The following HNF4A variants were observed in gnomAD, a reference collection of about 807,000 sequenced individuals.
HNF4A encodes the protein hepatocyte nuclear factor 4-alpha.
HNF4A carries 15 observed loss-of-function variants against 52.4 expected under a neutral mutation model. The observed-to-expected ratio is 0.29, with a 90% CI of 0.19 to 0.44. The LOEUF is 0.44. HNF4A is among the 20% of genes least tolerant of loss of function. The pLI, the probability that HNF4A is intolerant of heterozygous loss-of-function variation, is 1.00. For synonymous variants in HNF4A, 280 were observed against 264.4 expected (o/e 1.06, Z -0.57); for missense variants, 479 against 647.2 (o/e 0.74, Z 2.82).
At position 44,424,360 on chromosome 20, in the gene HNF4A, G is replaced by A. The variant is rs753471821; in HGVS notation, c.1129+106G>A. 44 of 1,542,930 alleles carry A rather than the reference G, an allele frequency of 2.9e-5. No homozygotes were observed. In the South Asian group the frequency reaches 3.0e-4, roughly 10 times the overall value. On this transcript the variant is annotated intron_variant, in intron 8 of 9. Transcript: ENST00000316099. ...AGCTCCTTGGCTTCCCCACTGTGCC[G>A]CTTTGGGCAAGTTGCTTAACCTGTC...
chr20:44,370,792 C>T (rs752030713), intron 1 of HNF4A, among the ~76,000 whole-genome samples: 9 of 152,300 alleles, frequency 5.9e-5, no homozygotes, highest in Middle Eastern at 3.4e-3. Flanking sequence ...AGGGAGGAAA[C>T]GGCAGCCTCT....
chr20:44,412,457 G>T (rs536247165), intron 3 of HNF4A, among the ~76,000 whole-genome samples: 4 of 152,176 alleles, frequency 2.6e-5, no homozygotes, highest in Non-Finnish European at 5.9e-5. Context: ...CTACAAGCGT[G>T]CGGATGCGTC....
chr20:44,367,639 C>CAAA (rs61083507), intron 1 of HNF4A, among the ~76,000 whole-genome samples: 3 of 121,290 alleles, frequency 2.5e-5, no homozygotes, highest in African/African-American at 3.0e-5. Flanking sequence ...CACTCCGTCT[C>CAAA]AAAAAAAAAA....
intron 1 of HNF4A, among the ~76,000 whole-genome samples, chr20:44,362,776 C>T (rs1216419638): frequency 6.6e-6 from 1 of 152,028 alleles, no homozygotes; most frequent in African/African-American, 2.4e-5. Context: ...GTCATAATAG[C>T]ATCCAAGGAG....
At chr20:44,375,212 C>G (rs2063072279) in intron 1 of HNF4A, among the ~76,000 whole-genome samples, 2 of 152,096 alleles carry the variant, frequency 1.3e-5, no homozygotes, top group South Asian at 4.1e-4. Context: ...TGTGCTCTAT[C>G]CACTTTTTGT....
intron 1 of HNF4A, among the ~76,000 whole-genome samples, chr20:44,388,784 G>C (rs1230357866): frequency 6.6e-6 from 1 of 152,230 alleles, no homozygotes; most frequent in African/African-American, 2.4e-5. Context: ...CGCGGTGCCT[G>C]CCCTGCCCTG....
At chr20:44,372,162 C>T (rs183828273) in intron 1 of HNF4A, among the ~76,000 whole-genome samples, 94 of 152,296 alleles carry the variant, frequency 6.2e-4, no homozygotes, top group African/African-American at 2.0e-3. Flanking sequence ...TTTATTTGCA[C>T]GAGCAATCTT....
At position 44,428,477 on chromosome 20, in the gene HNF4A, G is replaced by A; in HGVS notation, c.1272G>A (p.Arg424=). Residue 424 remains arginine, a synonymous_variant, in exon 9 of 10, where the codon AGG becomes AGA. Transcript: ENST00000316099. ...AGATGTGTGAGTGGCCCCGACCCAG[G>A]GGACAGGCAGGTGGGCAAACTCTGG... The A allele has an allele frequency of 6.2e-7, 1 of 1,614,058 alleles. No homozygotes were observed. The highest frequency in any genetic ancestry group is 8.5e-7 in the Non-Finnish European group (1 of 1,179,992).
intron 5 of HNF4A, among the ~76,000 whole-genome samples, chr20:44,417,868 C>T (rs2063686913): frequency 6.6e-6 from 1 of 151,342 alleles, no homozygotes; most frequent in Non-Finnish European, 1.5e-5. Flanking sequence ...ACTCTGGAGG[C>T]TGAGGCACGA....
intron 1 of HNF4A, among the ~76,000 whole-genome samples, chr20:44,367,610 C>T (rs1461422448): frequency 1.4e-5 from 2 of 146,470 alleles, no homozygotes; most frequent in African/African-American, 2.6e-5. Context: ...CACTGCACTC[C>T]AGCCTGGTAA....
chr20:44,367,357 A>T (rs1360906960), intron 1 of HNF4A, among the ~76,000 whole-genome samples: 2 of 150,278 alleles, frequency 1.3e-5, no homozygotes, highest in Admixed American at 6.7e-5. Context: ...AAAAAAATTA[A>T]CTTCTTGGCC....
intron 1 of HNF4A, among the ~76,000 whole-genome samples, chr20:44,364,795 A>G (rs2062954672): frequency 6.6e-6 from 1 of 152,090 alleles, no homozygotes; most frequent in Non-Finnish European, 1.5e-5. Context: ...GGATTATATT[A>G]GTTCAGACAA....
chr20:44,365,485 A>C (rs1054693549), intron 1 of HNF4A, among the ~76,000 whole-genome samples: 5 of 151,834 alleles, frequency 3.3e-5, no homozygotes, highest in Non-Finnish European at 5.9e-5. Context: ...AATTTTTTAC[A>C]TAAAATGTTT....
In HNF4A at chr20:44,419,776, G is replaced by A. The variant is rs145280017; in HGVS notation, c.792G>A (p.Val264=). The stretch of plus-strand genomic sequence containing the variant: ...CGGAGCTGGCGGAGATGAGCCGGGT[G>A]TCCATACGCATCCTTGACGAGCTGG... Residue 264 remains valine (V), a synonymous_variant, in exon 7 of 10, where the codon GTG becomes GTA. Coordinates refer to ENST00000316099, the MANE Select transcript of HNF4A (RefSeq NM_000457.6). The A allele has an allele frequency of 6.2e-4, 999 of 1,614,150 alleles. No individual in the cohort carries two copies. Among genetic ancestry groups the A allele is most frequent in the Non-Finnish European group, 8.0e-4 (939 of 1,180,010 alleles).
At chr20:44,383,912 G>A (rs1383576412) in intron 1 of HNF4A, among the ~76,000 whole-genome samples, 2 of 147,410 alleles carry the variant, frequency 1.4e-5, no homozygotes, top group African/African-American at 5.0e-5. Context: ...GTGCAATGGA[G>A]CGATCTCGGC....
At chr20:44,357,760 C>T (rs954300127) in intron 1 of HNF4A, among the ~76,000 whole-genome samples, 14 of 151,914 alleles carry the variant, frequency 9.2e-5, no homozygotes, top group African/African-American at 3.4e-4. Flanking sequence ...TCTCAGACAG[C>T]TGTTTCATTT....
At chr20:44,427,916 G>C (rs1382941804) in intron 8 of HNF4A, among the ~76,000 whole-genome samples, 3 of 152,194 alleles carry the variant, frequency 2.0e-5, no homozygotes, top group Admixed American at 6.5e-5. Context: ...GCTATAAGTA[G>C]GTCAGTTGGC....
intron 1 of HNF4A, chr20:44,401,526 G>A (rs1431365438): frequency 6.2e-7 from 1 of 1,612,728 alleles, no homozygotes; most frequent in South Asian, 1.1e-5. Context: ...GCCAGTGGGG[G>A]CAGGTGTGCC....
upstream of HNF4A, among the ~76,000 whole-genome samples, chr20:44,399,531 A>G (rs559347919): frequency 1.3e-4 from 20 of 152,228 alleles, no homozygotes; most frequent in South Asian, 3.9e-3. Context: ...AGGGCAGAGA[A>G]AGGGCTTCTA....
Sources: gnomAD v4.1 joint callset for allele counts (sites outside exome capture counted in the v4.1 genomes callset) on GRCh38, gnomAD v4.1.1 for gene constraint, MANE v1.5 for transcripts, NCBI Gene and HGNC (gene_info 2026-07-23, HGNC 2026-07-21) for gene names.